NAALADL2: variants seen among roughly 807,000 people sequenced by gnomAD.
The protein encoded by NAALADL2 is inactive N-acetylated-alpha-linked acidic dipeptidase-like protein 2.
A neutral mutation model predicts 87.2 loss-of-function variants in NAALADL2; 76 were observed. The observed-to-expected ratio is 0.87, with a 90% CI of 0.72 to 1.05. The LOEUF (loss-of-function observed/expected upper bound fraction) is 1.05. NAALADL2 is among the 50% of genes least tolerant of loss of function. The pLI is 0.00. For missense variants in NAALADL2, 1,089 were observed against 945.8 expected (o/e 1.15, Z -1.99); for synonymous variants, 354 against 331.0 (o/e 1.07, Z -0.75).
chr3:174,784,470 A>C (rs1313515883), intron 3 of NAALADL2, among the ~76,000 whole-genome samples: 1 of 152,298 alleles, frequency 6.6e-6, no homozygotes, highest in East Asian at 1.9e-4. Flanking sequence ...TCTGATTACT[A>C]TATACAATGT....
intron 1 of NAALADL2, among the ~76,000 whole-genome samples, chr3:174,936,458 C>T (rs926295989): frequency 6.6e-6 from 1 of 151,782 alleles, no homozygotes; most frequent in South Asian, 2.1e-4. Context: ...ATTTTTGAAG[C>T]AGATAAAAAG....
chr3:175,280,367 T>C (rs9883970), intron 4 of NAALADL2, among the ~76,000 whole-genome samples: 6,455 of 152,222 alleles, frequency 0.042, 438 homozygotes, highest in African/African-American at 0.14. Flanking sequence ...CCAAAATCCT[T>C]AAAACCATTA....
intron 1 of NAALADL2, among the ~76,000 whole-genome samples, chr3:174,540,574 G>A (rs946076893): frequency 4.6e-5 from 7 of 152,162 alleles, no homozygotes; most frequent in African/African-American, 1.4e-4. Context: ...ACTACTAGCC[G>A]GAAGACTTCT....
intron 1 of NAALADL2, among the ~76,000 whole-genome samples, chr3:175,068,409 A>C (rs1018005453): frequency 6.6e-6 from 1 of 152,142 alleles, no homozygotes; most frequent in African/African-American, 2.4e-5. Context: ...AACTTTCTAA[A>C]GTATATGCAT....
chr3:174,840,838 C>T (rs2109420301), intron 3 of NAALADL2, among the ~76,000 whole-genome samples: 2 of 151,970 alleles, frequency 1.3e-5, no homozygotes, highest in East Asian at 3.9e-4. Flanking sequence ...GAACTAGCTG[C>T]TTGGGGGAAG....
At chr3:175,100,448 A>G (rs768997099) in intron 2 of NAALADL2, among the ~76,000 whole-genome samples, 5 of 152,184 alleles carry the variant, frequency 3.3e-5, no homozygotes, top group Admixed American at 2.6e-4. Flanking sequence ...TGGCAAAACT[A>G]CTTGGAATAA....
intron 9 of NAALADL2, among the ~76,000 whole-genome samples, chr3:175,554,895 C>T (rs1715013547): frequency 1.3e-5 from 2 of 152,154 alleles, no homozygotes. Flanking sequence ...TTCTAACCTG[C>T]TATCCTGGTC....
At chr3:175,076,734 A>G (rs1277756736) in intron 1 of NAALADL2, among the ~76,000 whole-genome samples, 1 of 152,218 alleles carries the variant, frequency 6.6e-6, no homozygotes, top group African/African-American at 2.4e-5. Flanking sequence ...GTAGTCCAAT[A>G]TCTAGATATA....
At position 175,726,223 on chromosome 3, in the gene NAALADL2, T is replaced by C. The variant is rs1256712190; in HGVS notation, c.1897-11083T>C. Among the ~76,000 whole-genome samples, 4 of 145,224 alleles carry C rather than the reference T, an allele frequency of 2.8e-5. No homozygotes were observed. The Admixed American group carries it at 2.8e-4, about 10-fold the overall frequency. Reference sequence around the variant, plus strand: ...CTAAAATTTAATAACAGATAGGTGATGACAGTCACCAAAAGAGGAGAGCTA... The same window carrying C: ...CTAAAATTTAATAACAGATAGGTGACGACAGTCACCAAAAGAGGAGAGCTA... On this transcript the variant is annotated intron_variant, in intron 11 of 13. Transcript: ENST00000454872.
At chr3:175,161,215 G>T (rs1363998879) in intron 2 of NAALADL2, among the ~76,000 whole-genome samples, 3 of 151,902 alleles carry the variant, frequency 2.0e-5, no homozygotes, top group East Asian at 1.9e-4. Context: ...GTTCTTGTCT[G>T]CAAGCAACAG....
chr3:174,569,539 T>C (rs1041296857), intron 2 of NAALADL2, among the ~76,000 whole-genome samples: 1 of 152,116 alleles, frequency 6.6e-6, no homozygotes, highest in Non-Finnish European at 1.5e-5. Flanking sequence ...GAGTTTTCTC[T>C]TGGTAATGAG....
intron 9 of NAALADL2, among the ~76,000 whole-genome samples, chr3:175,490,259 C>T (rs1422378503): frequency 1.3e-5 from 2 of 152,070 alleles, no homozygotes; most frequent in Admixed American, 6.6e-5. Context: ...TGATGATAAC[C>T]TTTAAGTTGC....
intron 1 of NAALADL2, among the ~76,000 whole-genome samples, chr3:174,527,931 G>A (rs6780558): frequency 0.32 from 49,231 of 151,938 alleles, 8,711 homozygotes; most frequent in East Asian, 0.49. Flanking sequence ...TCCCCAGGCC[G>A]AATCTGGCTC....
chr3:175,567,741 A>G (rs1717419958), intron 9 of NAALADL2, among the ~76,000 whole-genome samples: 1 of 144,250 alleles, frequency 6.9e-6, no homozygotes, highest in African/African-American at 2.6e-5. Flanking sequence ...TTTGAGAGAG[A>G]GTCTTACTCT....
intron 2 of NAALADL2, among the ~76,000 whole-genome samples, chr3:174,596,578 A>G (rs1049391476): frequency 1.1e-4 from 16 of 152,188 alleles, no homozygotes; most frequent in African/African-American, 3.9e-4. Flanking sequence ...CAAGTTTCCA[A>G]GTGATCCTTC....
intron 5 of NAALADL2, among the ~76,000 whole-genome samples, chr3:175,430,207 A>G (rs1717523272): frequency 1.3e-5 from 2 of 151,906 alleles, no homozygotes; most frequent in African/African-American, 4.8e-5. Context: ...TGCATTGAGA[A>G]CTACCATTCT....
At chr3:175,013,664 G>A (rs79504912) in intron 1 of NAALADL2, among the ~76,000 whole-genome samples, 3,473 of 151,934 alleles carry the variant, frequency 0.023, 55 homozygotes, top group Non-Finnish European at 0.034. Flanking sequence ...TTGATTAAAT[G>A]TTCCATTTGA....
At chr3:174,716,868 C>A (rs1271539792) in intron 2 of NAALADL2, among the ~76,000 whole-genome samples, 1 of 152,032 alleles carries the variant, frequency 6.6e-6, no homozygotes, top group Non-Finnish European at 1.5e-5. Flanking sequence ...GAAAGCCTAG[C>A]TCCAGAAGAC....
At chr3:175,787,398 G>A (rs1020057685) in intron 13 of NAALADL2, among the ~76,000 whole-genome samples, 19 of 152,176 alleles carry the variant, frequency 1.2e-4, no homozygotes, top group African/African-American at 3.9e-4. Context: ...AGCCAGGTGC[G>A]GGATGTAATC....
Sources: allele counts gnomAD v4.1 joint callset (sites outside exome capture counted in the v4.1 genomes callset), GRCh38; gene constraint gnomAD v4.1.1; transcripts MANE v1.5; gene names NCBI Gene and HGNC (gene_info 2026-07-23, HGNC 2026-07-21).